The following DNAJC1 variants were observed in gnomAD, a reference collection of about 807,000 sequenced individuals.
DNAJC1 encodes the protein DnaJ heat shock protein family (Hsp40) member C1, also known as dnaJ homolog subfamily C member 1.
In DNAJC1, 58 loss-of-function variants were observed where a neutral mutation model predicts 76.6. That is an observed-to-expected ratio of 0.76 (90% CI 0.61 to 0.94). The LOEUF is 0.94. DNAJC1 is among the 40% of genes least tolerant of loss of function. DNAJC1 has a pLI of 0.00. For synonymous variants in DNAJC1, 258 were observed against 267.9 expected (o/e 0.96, Z 0.36); for missense variants, 689 against 677.3 (o/e 1.02, Z -0.19).
intron 1 of DNAJC1, among the ~76,000 whole-genome samples, chr10:21,947,109 G>C (rs1222577119): frequency 2.0e-5 from 3 of 152,116 alleles, no homozygotes. Context: ...GTGGTATTCT[G>C]TCATAGTAAA....
intron 10 of DNAJC1, among the ~76,000 whole-genome samples, chr10:21,764,943 T>C (rs145726314): frequency 1.3e-5 from 2 of 152,182 alleles, no homozygotes; most frequent in African/African-American, 4.8e-5. Flanking sequence ...GCCTCAGAGA[T>C]GCACTTAAAT....
intron 9 of DNAJC1, among the ~76,000 whole-genome samples, chr10:21,789,641 T>C (rs1475579380): frequency 6.6e-6 from 1 of 151,908 alleles, no homozygotes; most frequent in African/African-American, 2.4e-5. Context: ...TGATATAAAT[T>C]AGAAATTCAA....
At chr10:21,873,223 C>T (rs950361421) in intron 8 of DNAJC1, among the ~76,000 whole-genome samples, 8 of 152,118 alleles carry the variant, frequency 5.3e-5, no homozygotes, top group Non-Finnish European at 8.8e-5. Flanking sequence ...CGTGAGCCCG[C>T]CAATGCTCCC....
chr10:21,907,147 T>C (rs967550926), intron 6 of DNAJC1, among the ~76,000 whole-genome samples: 2 of 152,158 alleles, frequency 1.3e-5, no homozygotes, highest in African/African-American at 4.8e-5. Flanking sequence ...CTCTTTGAAA[T>C]ACACATTTAA....
chr10:21,852,092 TACACACACAC>T (rs58289439), intron 8 of DNAJC1, among the ~76,000 whole-genome samples: 55,007 of 146,040 alleles, frequency 0.38, 11,487 homozygotes, highest in South Asian at 0.54. Flanking sequence ...AATTGTGAGA[TACACACACAC>T]ACACACACAC....
At chr10:21,920,350 A>G (rs185302512) in intron 4 of DNAJC1, among the ~76,000 whole-genome samples, 3 of 152,204 alleles carry the variant, frequency 2.0e-5, no homozygotes, top group African/African-American at 7.2e-5. Flanking sequence ...TTAAACCAAG[A>G]AAAGTGTAAT....
chr10:21,998,559 C>T (rs905072064), intron 1 of DNAJC1, among the ~76,000 whole-genome samples: 7 of 152,076 alleles, frequency 4.6e-5, no homozygotes, highest in Admixed American at 3.9e-4. Flanking sequence ...CTACACTCCT[C>T]TCTCATCTTC....
chr10:21,832,676 C>T (rs149546402), intron 8 of DNAJC1, among the ~76,000 whole-genome samples: 1 of 152,306 alleles, frequency 6.6e-6, no homozygotes, highest in African/African-American at 2.4e-5. Context: ...AGCTACTTCA[C>T]TCAGGAATTT....
chr10:21,986,119 C>T (rs1483418075), intron 1 of DNAJC1, among the ~76,000 whole-genome samples: 2 of 151,950 alleles, frequency 1.3e-5, no homozygotes, highest in African/African-American at 4.8e-5. Context: ...CCCAGCTACT[C>T]GGGAGGCTGA....
At chr10:21,998,405 A>G (rs1260551279) in intron 1 of DNAJC1, among the ~76,000 whole-genome samples, 2 of 151,424 alleles carry the variant, frequency 1.3e-5, no homozygotes, top group African/African-American at 4.9e-5. Flanking sequence ...AAAAAAAAAA[A>G]AAAAGAAATA....
chr10:21,989,371 C>A lies in DNAJC1; in HGVS notation c.222+13842G>T, dbSNP rs1255099372. On this transcript the variant is annotated intron_variant, in intron 1 of 11. Transcript: ENST00000376980. ...AAGAGAGAAAATTATAAACATATAG[C>A]CATGATCAAAAACTTGTTAAGCATC... 3.3e-5 allele frequency among the ~76,000 whole-genome samples: 5 copies of A among 152,192 alleles called. No homozygotes were observed. In the South Asian group the frequency reaches 8.3e-4, roughly 25 times the overall value.
chr10:21,836,255 C>A (rs1405790400), intron 8 of DNAJC1, among the ~76,000 whole-genome samples: 1 of 152,104 alleles, frequency 6.6e-6, no homozygotes. Context: ...GAAATAAAAT[C>A]CTTTACAGAC....
At chr10:21,982,636 T>C (rs981152365) in intron 1 of DNAJC1, among the ~76,000 whole-genome samples, 8 of 151,182 alleles carry the variant, frequency 5.3e-5, no homozygotes, top group African/African-American at 1.9e-4. Context: ...CATGAAAAGA[T>C]GCTCAATAAC....
At chr10:21,884,672 G>A (rs969561827) in intron 7 of DNAJC1, among the ~76,000 whole-genome samples, 1 of 152,110 alleles carries the variant, frequency 6.6e-6, no homozygotes, top group Non-Finnish European at 1.5e-5. Flanking sequence ...TAGGAGAAAT[G>A]ACTGAATAAT....
At chr10:21,959,223 C>T (rs1473947247) in intron 1 of DNAJC1, among the ~76,000 whole-genome samples, 1 of 152,012 alleles carries the variant, frequency 6.6e-6, no homozygotes, top group Non-Finnish European at 1.5e-5. Flanking sequence ...CTTCCGGGTT[C>T]AAGCAATTCT....
intron 8 of DNAJC1, among the ~76,000 whole-genome samples, chr10:21,859,970 G>C (rs900412217): frequency 9.2e-5 from 14 of 151,922 alleles, no homozygotes; most frequent in African/African-American, 3.4e-4. Flanking sequence ...TTTTAGTAGA[G>C]ATGGGGTTTC....
intron 9 of DNAJC1, among the ~76,000 whole-genome samples, chr10:21,793,132 C>T (rs1197849242): frequency 6.6e-6 from 1 of 152,010 alleles, no homozygotes; most frequent in Non-Finnish European, 1.5e-5. Context: ...GTGGTGAAAC[C>T]CTGTATCTAC....
intron 7 of DNAJC1, among the ~76,000 whole-genome samples, chr10:21,887,300 A>G (rs767629110): frequency 2.6e-5 from 4 of 152,226 alleles, no homozygotes; most frequent in Admixed American, 6.5e-5. Context: ...TATCATTTAA[A>G]TGGTCATATT....
chr10:21,813,094 CACATATATATATAT>C (rs1419497731), intron 8 of DNAJC1, among the ~76,000 whole-genome samples: 1 of 66,716 alleles, frequency 1.5e-5, no homozygotes, highest in Non-Finnish European at 3.1e-5. Context: ...TATACACACA[CACATATATATATAT>C]ATATATATAC....
Sources: gnomAD v4.1 joint callset for allele counts (sites outside exome capture counted in the v4.1 genomes callset) on GRCh38, gnomAD v4.1.1 for gene constraint, MANE v1.5 for transcripts, NCBI Gene and HGNC (gene_info 2026-07-23, HGNC 2026-07-21) for gene names.